EIF2AK3: variants seen among roughly 807,000 people sequenced by gnomAD.
EIF2AK3 encodes the protein eukaryotic translation initiation factor 2 alpha kinase 3, also known as eukaryotic translation initiation factor 2-alpha kinase 3.
A neutral mutation model predicts 113.5 loss-of-function variants in EIF2AK3; 50 were observed. That is an observed-to-expected ratio of 0.44 (90% CI 0.35 to 0.56). The LOEUF is 0.56. Among genes scored for constraint, EIF2AK3 ranks in the 20% least tolerant of loss-of-function variants. The probability of loss-of-function intolerance (pLI) is 0.00; values close to 1 mark genes in which losing one functional copy is unlikely to be tolerated. For synonymous variants in EIF2AK3, 448 were observed against 495.4 expected (o/e 0.90, Z 1.27); for missense variants, 1,185 against 1,378.0 (o/e 0.86, Z 2.22).
chr2:88,597,814 T>C (rs2104448773), intron 2 of EIF2AK3, among the ~76,000 whole-genome samples: 1 of 152,342 alleles, frequency 6.6e-6, no homozygotes, highest in African/African-American at 2.4e-5. Context: ...GACACCGTGA[T>C]ATCCTCAAAA....
intron 14 of EIF2AK3, among the ~76,000 whole-genome samples, chr2:88,566,517 ACT>A (rs1004651262): frequency 8.3e-5 from 12 of 144,998 alleles, no homozygotes; most frequent in Non-Finnish European, 1.7e-4. Flanking sequence ...ATTTTTAAAA[ACT>A]CTTTTTTTTT....
At chr2:88,615,517 A>G (rs1331776754) in intron 1 of EIF2AK3, among the ~76,000 whole-genome samples, 2 of 152,152 alleles carry the variant, frequency 1.3e-5, no homozygotes, top group African/African-American at 4.8e-5. Flanking sequence ...TGCCCCTTCC[A>G]CCATGTAGGA....
chr2:88,610,614 C>T (rs1052255454), intron 2 of EIF2AK3, among the ~76,000 whole-genome samples: 4 of 152,018 alleles, frequency 2.6e-5, no homozygotes, highest in African/African-American at 7.2e-5. Flanking sequence ...TCTATTAAAC[C>T]AAAAATTTAA....
At position 88,608,705 on chromosome 2, in the gene EIF2AK3, T is replaced by C. The variant is rs1388905032; in HGVS notation, c.438+5019A>G. Among the ~76,000 whole-genome samples the C allele has an allele frequency of 1.7e-4, 20 of 120,788 alleles. No homozygotes were observed. In the East Asian group the frequency reaches 2.8e-3, roughly 17 times the overall value. The allele number at this position is 120,788 out of a possible 152,430, so 79.2% of individuals were successfully genotyped here. The stretch of plus-strand genomic sequence containing the variant: ...CAAATGGCAGTTTTTGATTTCTTTT[T>C]TTTTTTTTTTTTTTTTTTTTTGAGA... On this transcript the variant is annotated intron_variant, in intron 2 of 16. Transcript: ENST00000303236.
At chr2:88,584,518 CCT>C (rs1674671465) in intron 9 of EIF2AK3, among the ~76,000 whole-genome samples, 1 of 128,938 alleles carries the variant, frequency 7.8e-6, no homozygotes, top group South Asian at 2.4e-4. Flanking sequence ...TGAGTGAGAC[CCT>C]GTCTCTGAAA....
In EIF2AK3 at chr2:88,627,118, G is replaced by C. The variant is rs1202682565; in HGVS notation, c.157C>G (p.Pro53Ala). ...GCCGGTACTCGCGTCGCTGAGGTGG[G>C]AGCAGCGGCCGCCCCGAGGCCGAAC... ...AAFGLGAAAA[P>A]TSATRVPAAG... Residue 53 changes from proline (P) to alanine (A), a missense_variant, in exon 1 of 17, where the codon CCC (proline) becomes GCC (alanine). Physicochemically the swap from Pro to Ala is conservative, Grantham distance 27. Coordinates refer to ENST00000303236, the MANE Select transcript of EIF2AK3 (RefSeq NM_004836.7). 8 of 1,506,308 alleles carry C rather than the reference G, an allele frequency of 5.3e-6. No individual in the cohort carries two copies. The South Asian group carries it at 9.8e-5, about 19-fold the overall frequency. 93.3% of individuals were successfully genotyped at this position (1,506,308 alleles called of 1,614,324 possible).
chr2:88,586,804 C>G (rs1229238291), intron 8 of EIF2AK3, among the ~76,000 whole-genome samples: 3 of 151,024 alleles, frequency 2.0e-5, no homozygotes, highest in African/African-American at 7.3e-5. Context: ...GTTGGCCAGG[C>G]TGGTCTTGAA....
chr2:88,610,392 G>C (rs953035349), intron 2 of EIF2AK3, among the ~76,000 whole-genome samples: 2 of 152,108 alleles, frequency 1.3e-5, no homozygotes, highest in African/African-American at 2.4e-5. Flanking sequence ...TCATTGATAT[G>C]GTTTCTGATT....
intron 4 of EIF2AK3, among the ~76,000 whole-genome samples, chr2:88,591,437 A>G (rs904476037): frequency 2.0e-5 from 3 of 152,210 alleles, no homozygotes; most frequent in Non-Finnish European, 4.4e-5. Flanking sequence ...GGCAGGATAC[A>G]TTTCATTAAG....
intron 13 of EIF2AK3, among the ~76,000 whole-genome samples, chr2:88,572,263 A>G (rs1674332297): frequency 6.6e-6 from 1 of 152,190 alleles, no homozygotes; most frequent in Non-Finnish European, 1.5e-5. Context: ...GGCAGTTGTT[A>G]TTTACTGAAC....
intron 2 of EIF2AK3, among the ~76,000 whole-genome samples, chr2:88,603,192 C>CT (rs1675196183): frequency 1.3e-5 from 2 of 152,174 alleles, no homozygotes; most frequent in African/African-American, 4.8e-5. Context: ...GTCCCTGACT[C>CT]TACTACTCAT....
intron 12 of EIF2AK3, 185 bp from the exon 13 acceptor site, chr2:88,575,631 T>C: frequency 1.4e-6 from 1 of 690,620 alleles, no homozygotes; most frequent in Non-Finnish European, 2.5e-6. Context: ...CATTCATTCC[T>C]TCTAAAAAAC....
rs1244315993 is a variant in EIF2AK3 at position 88,627,209 on chromosome 2, C to T, written c.66G>A (p.Gly22=). The change falls in exon 1 of 17, where the codon GGG becomes GGA. Residue 22 remains glycine, a synonymous_variant. Transcript: ENST00000303236. The part of the protein sequence containing the change: ...RALLLLLLLL[G]LAARTVAAGR... The stretch of plus-strand genomic sequence containing the variant: ...CCGCGGCCACCGTCCTTGCCGCGAG[C>T]CCCAGCAGCAGCAGCAGCAGCAGCA... The T allele has an allele frequency of 7.2e-7, 1 of 1,397,478 alleles. No individual in the cohort carries two copies. The allele number at this position is 1,397,478 out of a possible 1,614,324, so 86.6% of individuals were successfully genotyped here. A position where few individuals can be genotyped will look rare whatever the true frequency, so the allele number is the denominator to read the frequency against.
At chr2:88,573,322 A>G (rs1313410939) in intron 13 of EIF2AK3, among the ~76,000 whole-genome samples, 43 of 152,228 alleles carry the variant, frequency 2.8e-4, no homozygotes, top group Admixed American at 2.7e-3. Context: ...TCTCATTTAC[A>G]TTATAAAATT....
chr2:88,587,417 T>G (rs1674764245), intron 8 of EIF2AK3, among the ~76,000 whole-genome samples: 1 of 152,076 alleles, frequency 6.6e-6, no homozygotes, highest in Non-Finnish European at 1.5e-5. Flanking sequence ...ATATCCTAAC[T>G]TCAAAAAACT....
intron 14 of EIF2AK3, 116 bp from the exon 15 acceptor site, chr2:88,562,506 A>T: frequency 1.3e-6 from 1 of 799,420 alleles, no homozygotes; most frequent in South Asian, 1.5e-5. Flanking sequence ...ATGCAAGTAC[A>T]TGTGTAAAAA....
chr2:88,597,867 A>T (rs901883277), intron 2 of EIF2AK3, among the ~76,000 whole-genome samples: 1 of 152,128 alleles, frequency 6.6e-6, no homozygotes, highest in Non-Finnish European at 1.5e-5. Context: ...AGGTCAGCTA[A>T]TGTTTATATT....
intron 1 of EIF2AK3, among the ~76,000 whole-genome samples, chr2:88,621,527 T>G (rs145532401): frequency 6.6e-6 from 1 of 152,330 alleles, no homozygotes; most frequent in East Asian, 1.9e-4. Context: ...TGTGATTTGG[T>G]TGAACCTGTT....
Position 88,571,132 on chromosome 2 carries a change from A to T in EIF2AK3, c.2818-91T>A. 5 of 1,399,170 alleles carry T rather than the reference A, an allele frequency of 3.6e-6. No homozygotes were observed. The South Asian group carries it at 5.8e-5, about 16-fold the overall frequency. 86.7% of individuals were successfully genotyped at this position (1,399,170 alleles called of 1,614,324 possible). ...ATTTAAAAGACTACAAAGAAAAAAT[A>T]CAACAAACTAGATATTTTCAAGCAT... On this transcript the variant is annotated intron_variant, in intron 13 of 16. Coordinates refer to ENST00000303236, the MANE Select transcript of EIF2AK3 (RefSeq NM_004836.7).
Sources: allele counts gnomAD v4.1 joint callset (sites outside exome capture counted in the v4.1 genomes callset), GRCh38; gene constraint gnomAD v4.1.1; transcripts MANE v1.5; gene names NCBI Gene and HGNC (gene_info 2026-07-23, HGNC 2026-07-21).